The following CCSER1 variants were observed in gnomAD, a reference collection of about 807,000 sequenced individuals.
CCSER1 encodes the protein coiled-coil serine rich protein 1.
CCSER1 carries 41 observed loss-of-function variants against 82.0 expected under a neutral mutation model. The observed-to-expected ratio is 0.50, with a 90% CI of 0.39 to 0.65. The LOEUF is 0.65. Among genes scored for constraint, CCSER1 ranks in the 30% least tolerant of loss-of-function variants. CCSER1 has a pLI of 0.00. For synonymous variants in CCSER1, 414 were observed against 383.9 expected (o/e 1.08, Z -0.92); for missense variants, 1,119 against 1,064.2 (o/e 1.05, Z -0.72).
intron 3 of CCSER1, among the ~76,000 whole-genome samples, chr4:90,347,608 C>T (rs760140543): frequency 6.6e-6 from 1 of 151,984 alleles, no homozygotes; most frequent in Admixed American, 6.6e-5. Context: ...TGAATATGTC[C>T]CCTACATTTT....
At position 91,232,626 on chromosome 4, in the gene CCSER1, T is replaced by C. The variant is rs974626218; in HGVS notation, c.2217+146632T>C. Among the ~76,000 whole-genome samples, 5 of 151,950 alleles carry C rather than the reference T, an allele frequency of 3.3e-5. No homozygotes were observed. In the East Asian group the frequency reaches 5.8e-4, roughly 18 times the overall value. ...TTCATGGTATGTAAATTTATAACTG[T>C]TGAATTTTATATCACATATATACAA... On this transcript the variant is annotated intron_variant, in intron 10 of 10. Coordinates refer to ENST00000509176, the MANE Select transcript of CCSER1 (RefSeq NM_001145065.2).
intron 9 of CCSER1, among the ~76,000 whole-genome samples, chr4:90,992,197 G>GT (rs1737096455): frequency 6.6e-6 from 1 of 152,064 alleles, no homozygotes; most frequent in Admixed American, 6.6e-5. Flanking sequence ...TTGAGCCATT[G>GT]TGCCATTAAC....
intron 9 of CCSER1, among the ~76,000 whole-genome samples, chr4:90,947,536 A>G (rs1027147891): frequency 6.6e-6 from 1 of 152,184 alleles, no homozygotes; most frequent in African/African-American, 2.4e-5. Flanking sequence ...TTCTACTTGC[A>G]ATCAATGCAT....
intron 1 of CCSER1, among the ~76,000 whole-genome samples, chr4:90,259,154 CAGT>C (rs1214042582): frequency 6.6e-6 from 1 of 152,094 alleles, no homozygotes; most frequent in East Asian, 1.9e-4. Flanking sequence ...TGATTTCTTT[CAGT>C]AGTGTTTTGT....
chr4:90,778,204 G>T (rs1199782875), intron 7 of CCSER1, among the ~76,000 whole-genome samples: 1 of 152,072 alleles, frequency 6.6e-6, no homozygotes, highest in African/African-American at 2.4e-5. Flanking sequence ...ATTGCAAGTA[G>T]TAGAAAATTT....
In CCSER1 at chr4:90,319,672, TAGA is replaced by T. The variant is rs565765471; in HGVS notation, c.1509+6629_1509+6631del. 1.5e-4 allele frequency among the ~76,000 whole-genome samples: 23 copies of T among 152,190 alleles called. 1 individual carries two copies. The East Asian group carries it at 4.1e-3, about 27-fold the overall frequency. On this transcript the variant is annotated intron_variant, in intron 3 of 10. Coordinates refer to ENST00000509176, the MANE Select transcript of CCSER1 (RefSeq NM_001145065.2). ...CTCAAAAAAAAGCAAAGATGATAAT[TAGA>T]AGATCTGATTTTGAAAATTTCTTAA...
At position 91,382,333 on chromosome 4, in the gene CCSER1, C is replaced by T. The variant is rs538509480; in HGVS notation, c.2218-216239C>T. On this transcript the variant is annotated intron_variant, in intron 10 of 10. Transcript: ENST00000509176. ...GAGTCTACAGAGGCAGGCAGGCCTCCTTCAGCTGCAGTGAGTTCCACCCAG... is the reference window on the plus strand; with the variant it reads ...GAGTCTACAGAGGCAGGCAGGCCTCTTTCAGCTGCAGTGAGTTCCACCCAG... Among the ~76,000 whole-genome samples the T allele has an allele frequency of 1.9e-4, 29 of 152,328 alleles. No individual in the cohort carries two copies. The South Asian group carries it at 6.0e-3, about 32-fold the overall frequency.
intron 8 of CCSER1, among the ~76,000 whole-genome samples, chr4:90,903,778 A>G (rs949926038): frequency 6.6e-6 from 1 of 151,124 alleles, no homozygotes; most frequent in Non-Finnish European, 1.5e-5. Flanking sequence ...TGGAGGTTTC[A>G]GTGAGCTAAG....
chr4:90,135,392 TA>T (rs372910251), intron 1 of CCSER1, among the ~76,000 whole-genome samples: 2 of 151,978 alleles, frequency 1.3e-5, no homozygotes, highest in Admixed American at 6.6e-5. Flanking sequence ...CCTCATTTTT[TA>T]AAAAAAAGAC....
At chr4:91,567,570 T>C (rs899574209) in intron 10 of CCSER1, among the ~76,000 whole-genome samples, 1 of 152,118 alleles carries the variant, frequency 6.6e-6, no homozygotes, top group African/African-American at 2.4e-5. Context: ...TCTTGTGTTG[T>C]GTGCATATAT....
At chr4:91,041,166 C>T (rs2150577233) in intron 9 of CCSER1, among the ~76,000 whole-genome samples, 1 of 152,084 alleles carries the variant, frequency 6.6e-6, no homozygotes, top group East Asian at 1.9e-4. Context: ...AAGCAATGGG[C>T]TTTGTTACAC....
At chr4:90,312,621 G>A (rs1052960762) in intron 2 of CCSER1, among the ~76,000 whole-genome samples, 1 of 152,076 alleles carries the variant, frequency 6.6e-6, no homozygotes, top group Admixed American at 6.6e-5. Context: ...AGGAAATAAG[G>A]ACAGGATTCA....
At chr4:90,177,388 C>A (rs79822831) in intron 1 of CCSER1, among the ~76,000 whole-genome samples, 3 of 152,008 alleles carry the variant, frequency 2.0e-5, no homozygotes, top group African/African-American at 7.2e-5. Flanking sequence ...ACACTTTAAG[C>A]GGTTTTACCA....
At chr4:90,873,773 C>A (rs943688255) in intron 8 of CCSER1, among the ~76,000 whole-genome samples, 1 of 151,996 alleles carries the variant, frequency 6.6e-6, no homozygotes, top group Non-Finnish European at 1.5e-5. Flanking sequence ...CATTTGGGGA[C>A]AAACAACTAA....
At chr4:91,242,496 C>T (rs879540213) in intron 10 of CCSER1, among the ~76,000 whole-genome samples, 6 of 152,094 alleles carry the variant, frequency 3.9e-5, no homozygotes, top group Admixed American at 3.9e-4. Flanking sequence ...AAAATTATCT[C>T]AAAATGGATT....
rs114243525 is a variant in CCSER1 at position 90,555,735 on chromosome 4, A to T, written c.1725-72290A>T. Among the ~76,000 whole-genome samples the T allele has an allele frequency of 4.6e-3, 702 of 152,130 alleles. 4 individuals are homozygous for T. Among genetic ancestry groups the T allele is most frequent in the African/African-American group, 0.016 (659 of 41,538 alleles). On this transcript the variant is annotated intron_variant, in intron 5 of 10. Coordinates refer to ENST00000509176, the MANE Select transcript of CCSER1 (RefSeq NM_001145065.2). ...ATTCACAAATTGGAGACCTATTTAC[A>T]CTTCATTTGATAATAATTGCTAGCA... is the stretch of plus-strand genomic sequence containing the variant.
At chr4:91,169,219 A>AAG (rs1449395185) in intron 10 of CCSER1, among the ~76,000 whole-genome samples, 36 of 149,916 alleles carry the variant, frequency 2.4e-4, no homozygotes, top group African/African-American at 8.3e-4. Flanking sequence ...AAAAAAAAAA[A>AAG]AGATTGGTCA....
At chr4:90,440,428 G>A (rs538480275) in intron 4 of CCSER1, among the ~76,000 whole-genome samples, 38 of 152,164 alleles carry the variant, frequency 2.5e-4, no homozygotes, top group Non-Finnish European at 4.9e-4. Flanking sequence ...CATGAGAAAC[G>A]TATGCCATAG....
At chr4:90,744,182 C>G (rs530084255) in intron 7 of CCSER1, among the ~76,000 whole-genome samples, 1 of 152,124 alleles carries the variant, frequency 6.6e-6, no homozygotes, top group East Asian at 1.9e-4. Context: ...TGAGGAGAGA[C>G]AAATGTCCTG....
Sources: allele counts gnomAD v4.1 joint callset (sites outside exome capture counted in the v4.1 genomes callset), GRCh38; gene constraint gnomAD v4.1.1; transcripts MANE v1.5; gene names NCBI Gene and HGNC (gene_info 2026-07-23, HGNC 2026-07-21).